The following PNPT1 variants were observed in gnomAD, a reference collection of about 807,000 sequenced individuals.
PNPT1 encodes the protein polyribonucleotide nucleotidyltransferase 1.
A neutral mutation model predicts 119.5 loss-of-function variants in PNPT1; 53 were observed. That is an observed-to-expected ratio of 0.44 (90% CI 0.36 to 0.56). The LOEUF is 0.56. Ranked by LOEUF, PNPT1 falls within the 20% of genes least tolerant of loss-of-function variation. The pLI, the probability that PNPT1 is intolerant of heterozygous loss-of-function variation, is 0.00. For synonymous variants in PNPT1, 357 were observed against 322.1 expected, an observed-to-expected ratio of 1.11 and a Z score of -1.16; for missense variants, 948 against 938.5, an observed-to-expected ratio of 1.01 and a Z score of -0.13.
chr2:55,657,184 C>T (rs1415970010), intron 15 of PNPT1, among the ~76,000 whole-genome samples: 1 of 151,902 alleles, frequency 6.6e-6, no homozygotes, highest in Non-Finnish European at 1.5e-5. Context: ...GAAAAATCAG[C>T]AGGGCGTGGT....
chr2:55,646,117 C>A, intron 21 of PNPT1, 142 bp downstream of exon 21: 2 of 811,316 alleles, frequency 2.5e-6, no homozygotes, highest in Non-Finnish European at 3.8e-6. Context: ...CATGAGCCAC[C>A]ACACCTGGCC....
At chr2:55,659,809 T>C (rs1696505608) in intron 15 of PNPT1, among the ~76,000 whole-genome samples, 1 of 152,114 alleles carries the variant, frequency 6.6e-6, no homozygotes, top group South Asian at 2.1e-4. Flanking sequence ...AAAAGTAAAA[T>C]ATTATTGGTA....
intron 18 of PNPT1, among the ~76,000 whole-genome samples, chr2:55,649,392 A>T (rs1224048562): frequency 6.6e-6 from 1 of 152,248 alleles, no homozygotes; most frequent in Non-Finnish European, 1.5e-5. Context: ...CACTCATGCC[A>T]GAATCAACAT....
intron 8 of PNPT1, among the ~76,000 whole-genome samples, chr2:55,677,584 G>A (rs1280325857): frequency 9.8e-6 from 1 of 102,110 alleles, no homozygotes; most frequent in African/African-American, 3.9e-5. Context: ...GCAACAGAGC[G>A]AGACTATGTC....
chr2:55,680,426 A>T (rs1414182872), intron 7 of PNPT1, among the ~76,000 whole-genome samples: 4 of 1,696 alleles, frequency 2.4e-3, no homozygotes, highest in African/African-American at 0.04. Context: ...TTTCCCAGTT[A>T]AAAAAAAAAA....
At chr2:55,653,887 C>T (rs944390835) in intron 18 of PNPT1, among the ~76,000 whole-genome samples, 3 of 152,228 alleles carry the variant, frequency 2.0e-5, no homozygotes, top group Admixed American at 1.3e-4. Context: ...TTTGTGGCCT[C>T]TTTAGTGTCT....
In PNPT1 at chr2:55,667,946, T is replaced by G; in HGVS notation, c.989A>C (p.Glu330Ala). Residue 330 changes from glutamate to alanine, a missense_variant, in exon 12 of 28, where the codon GAA becomes GCA. By Grantham distance (107) the Glu-to-Ala change is moderately radical. Transcript: ENST00000447944. ...TTCTATTATTTCATATGGATCGGCT[T>G]CTGGAAATTTTTCTATAGAAAAAAG... is the stretch of plus-strand genomic sequence containing the variant. Reference protein sequence around the residue: ...TEEQLKEKFPEADPYEIIESF... With the variant: ...TEEQLKEKFPAADPYEIIESF... 1 of 1,578,156 alleles carries G rather than the reference T, an allele frequency of 6.3e-7. No individual in the cohort carries two copies. Among genetic ancestry groups the G allele is most frequent in the Non-Finnish European group, 8.5e-7 (1 of 1,171,114 alleles).
rs146633902 is a variant in PNPT1 at position 55,673,096 on chromosome 2, G to GAA, written c.680-19_680-18dup. The GAA allele has an allele frequency of 4.2e-4, 585 of 1,403,494 alleles. No homozygotes were observed. Among genetic ancestry groups the GAA allele is most frequent in the South Asian group, 9.1e-4 (61 of 66,900 alleles). 86.9% of individuals were successfully genotyped at this position (1,403,494 alleles called of 1,614,324 possible). On this transcript the variant is annotated splice_polypyrimidine_tract_variant and intron_variant, in intron 8 of 27. Coordinates refer to ENST00000447944, the MANE Select transcript of PNPT1 (RefSeq NM_033109.5). ...CCAACATGACTATTTAAAGGAAAAA[G>GAA]AAAAAAAAAATGACTGCCATCGAAG...
chr2:55,670,580 A>C (rs1696879867), intron 11 of PNPT1, among the ~76,000 whole-genome samples: 1 of 152,230 alleles, frequency 6.6e-6, no homozygotes, highest in Non-Finnish European at 1.5e-5. Flanking sequence ...CTAGGTATTA[A>C]GAATAGCATC....
intron 1 of PNPT1, among the ~76,000 whole-genome samples, chr2:55,692,523 T>TA (rs1697649785): frequency 6.6e-6 from 1 of 152,080 alleles, no homozygotes; most frequent in African/African-American, 2.4e-5. Context: ...ACTTTTTTTT[T>TA]AAAAAGCGGT....
In PNPT1 at chr2:55,667,050, C is replaced by T; in HGVS notation, c.1117G>A (p.Glu373Lys). Residue 373 changes from glutamate to lysine, a missense_variant, in exon 13 of 28, where the codon GAG becomes AAG. Glu to Lys is a moderately conservative substitution (Grantham distance 56). Transcript: ENST00000447944. Reference protein sequence around the residue: ...DLTSLRNVSCEVDMFKTLHGS... With the variant: ...DLTSLRNVSCKVDMFKTLHGS... ...TGAAGGGTTTTAAACATATCTACCT[C>T]ACAACTTACATTCCTAAGTGAAGTC... 6.2e-7 allele frequency: 1 copy of T among 1,612,274 alleles called. No individual in the cohort carries two copies. Among genetic ancestry groups the T allele is most frequent in the Non-Finnish European group, 8.5e-7 (1 of 1,179,220 alleles).
intron 8 of PNPT1, among the ~76,000 whole-genome samples, chr2:55,675,393 G>A (rs766237870): frequency 1.3e-5 from 2 of 151,960 alleles, no homozygotes; most frequent in Non-Finnish European, 2.9e-5. Flanking sequence ...ATTAGCCTGG[G>A]CAATATAATG....
At chr2:55,670,800 A>G (rs1044445836) in intron 11 of PNPT1, among the ~76,000 whole-genome samples, 1 of 152,184 alleles carries the variant, frequency 6.6e-6, no homozygotes. Flanking sequence ...GATCAGGAAC[A>G]TTCACATTCA....
chr2:55,655,283 G>A (rs1424996762), intron 17 of PNPT1, among the ~76,000 whole-genome samples: 2 of 152,102 alleles, frequency 1.3e-5, no homozygotes, highest in African/African-American at 2.4e-5. Context: ...GTCTCAGCCT[G>A]CCACCACGCC....
At position 55,644,883 on chromosome 2, in the gene PNPT1, A is replaced by G. The variant is rs919396210; in HGVS notation, c.1823-163T>C. ...ATGATTAAAATTACTGAAAACTGTT[A>G]AAGAATATTCCCTAAAATTTAAAGC... is the stretch of plus-strand genomic sequence containing the variant. On this transcript the variant is annotated intron_variant, in intron 22 of 27. Transcript: ENST00000447944. The G allele has an allele frequency of 1.7e-5, 8 of 475,530 alleles. No individual in the cohort carries two copies. The South Asian group carries it at 3.8e-4, about 22-fold the overall frequency. 29.5% of individuals were successfully genotyped at this position (475,530 alleles called of 1,614,324 possible). A position where few individuals can be genotyped will look rare whatever the true frequency, so the allele number is the denominator to read the frequency against.
chr2:55,682,312 T>C (rs1345506933), intron 5 of PNPT1, among the ~76,000 whole-genome samples: 2 of 150,866 alleles, frequency 1.3e-5, no homozygotes, highest in African/African-American at 4.9e-5. Context: ...AGAAAAAAAT[T>C]AGCCAGGTGT....
intron 13 of PNPT1, among the ~76,000 whole-genome samples, chr2:55,663,902 G>A (rs1696656258): frequency 6.6e-6 from 1 of 152,028 alleles, no homozygotes; most frequent in African/African-American, 2.4e-5. Flanking sequence ...AGAATGGCAG[G>A]GGCATGAACC....
At chr2:55,653,902 GT>G (rs1313191553) in intron 18 of PNPT1, among the ~76,000 whole-genome samples, 8 of 151,988 alleles carry the variant, frequency 5.3e-5, no homozygotes, top group Admixed American at 3.9e-4. Flanking sequence ...GTGTCTTTAG[GT>G]TCCTTCTCTC....
At chr2:55,685,395 G>C (rs1050401269) in intron 3 of PNPT1, among the ~76,000 whole-genome samples, 2 of 152,122 alleles carry the variant, frequency 1.3e-5, no homozygotes, top group African/African-American at 2.4e-5. Flanking sequence ...GGGCACAATG[G>C]CCTGTGCCCA....
Sources: allele counts gnomAD v4.1 joint callset (sites outside exome capture counted in the v4.1 genomes callset), GRCh38; gene constraint gnomAD v4.1.1; transcripts MANE v1.5; gene names NCBI Gene and HGNC (gene_info 2026-07-23, HGNC 2026-07-21).